The following TRAP1 variants were observed in gnomAD, a reference collection of about 807,000 sequenced individuals.
The protein encoded by TRAP1 is TNF receptor associated protein 1.
A neutral mutation model predicts 89.1 loss-of-function variants in TRAP1; 102 were observed. The observed-to-expected ratio is 1.15, with a 90% CI of 0.98 to 1.35. TRAP1 has a LOEUF of 1.35. TRAP1 is among the 40% of genes most tolerant of loss of function. TRAP1 has a pLI of 0.00. For synonymous variants in TRAP1, 508 were observed against 388.0 expected, an observed-to-expected ratio of 1.31 and a Z score of -3.64; for missense variants, 1,256 against 945.3, an observed-to-expected ratio of 1.33 and a Z score of -4.31.
At chr16:3,715,235 G>A (rs568575546) in intron 1 of TRAP1, among the ~76,000 whole-genome samples, 1 of 152,226 alleles carries the variant, frequency 6.6e-6, no homozygotes, top group East Asian at 1.9e-4. Context: ...TCAGGAGATC[G>A]AGACCATCCT....
At chr16:3,677,711 C>A in intron 5 of TRAP1, 53 bp from the exon 6 acceptor site, 1 of 1,577,384 alleles carries the variant, frequency 6.3e-7, no homozygotes, top group South Asian at 1.2e-5. Context: ...AGAGCAGACA[C>A]TCCCAACACC....
intron 4 of TRAP1, among the ~76,000 whole-genome samples, chr16:3,680,961 C>G (rs897757312): frequency 6.6e-6 from 1 of 152,176 alleles, no homozygotes; most frequent in Non-Finnish European, 1.5e-5. Flanking sequence ...ATTGCCCAGT[C>G]TAAGGTATTC....
chr16:3,675,711 C>T (rs549940550), intron 7 of TRAP1, among the ~76,000 whole-genome samples: 2 of 152,308 alleles, frequency 1.3e-5, no homozygotes, highest in East Asian at 3.9e-4. Flanking sequence ...GAGTGTCCAG[C>T]AGGACACAAA....
At chr16:3,714,881 G>C (rs1401345240) in intron 1 of TRAP1, among the ~76,000 whole-genome samples, 1 of 152,162 alleles carries the variant, frequency 6.6e-6, no homozygotes, top group African/African-American at 2.4e-5. Flanking sequence ...AAGAGGTCTG[G>C]ATTTTCTACA....
chr16:3,689,242 C>CTTTTTT, intron 2 of TRAP1, 105 bp from the exon 3 acceptor site: 1 of 425,850 alleles, frequency 2.3e-6, no homozygotes, highest in Non-Finnish European at 3.8e-6. Flanking sequence ...GAGTTTTAAA[C>CTTTTTT]TTTTTTTTTT....
chr16:3,706,751 G>A (rs918781765), intron 1 of TRAP1, among the ~76,000 whole-genome samples: 2 of 152,042 alleles, frequency 1.3e-5, no homozygotes, highest in Admixed American at 6.6e-5. Flanking sequence ...ATGACCAACC[G>A]CACCCAGCCT....
chr16:3,669,299 G>A (rs572531447), intron 11 of TRAP1, among the ~76,000 whole-genome samples: 6 of 152,280 alleles, frequency 3.9e-5, no homozygotes, highest in East Asian at 3.9e-4. Flanking sequence ...GCTGTGGGGC[G>A]GGGATGCATC....
At chr16:3,701,011 T>C (rs1341042812) in intron 1 of TRAP1, among the ~76,000 whole-genome samples, 8 of 152,154 alleles carry the variant, frequency 5.3e-5, no homozygotes, top group Admixed American at 5.2e-4. Flanking sequence ...AAGGCAAGGA[T>C]TGTCAGAATT....
intron 15 of TRAP1, 41 bp downstream of exon 15, chr16:3,662,841 C>T: frequency 1.2e-6 from 2 of 1,602,062 alleles, no homozygotes; most frequent in Non-Finnish European, 1.7e-6. Context: ...CTGTTAGGGA[C>T]ACTGCGGCCA....
intron 1 of TRAP1, among the ~76,000 whole-genome samples, chr16:3,700,624 C>A (rs2051352843): frequency 6.6e-6 from 1 of 151,868 alleles, no homozygotes; most frequent in Non-Finnish European, 1.5e-5. Flanking sequence ...CATCACCACG[C>A]CAGGCTAATT....
At chr16:3,710,877 A>ATTTTTTTTTTTT (rs1461150566) in intron 1 of TRAP1, among the ~76,000 whole-genome samples, 6 of 93,608 alleles carry the variant, frequency 6.4e-5, no homozygotes, top group African/African-American at 2.7e-4. Context: ...ATATATATAT[A>ATTTTTTTTTTTT]TATTTTTTTT....
At chr16:3,670,325 G>C (rs2050894869) in intron 11 of TRAP1, among the ~76,000 whole-genome samples, 1 of 141,432 alleles carries the variant, frequency 7.1e-6, no homozygotes, top group African/African-American at 2.7e-5. Flanking sequence ...GAAGGTTGCA[G>C]TGAGCCGAGA....
chr16:3,664,670 C>G, intron 12 of TRAP1: 1 of 555,752 alleles, frequency 1.8e-6, no homozygotes, highest in Non-Finnish European at 3.1e-6. Flanking sequence ...GCTTAGGAAG[C>G]ACCTCCTGCC....
intron 1 of TRAP1, chr16:3,704,297 T>C (rs1007759635): frequency 6.6e-6 from 1 of 152,280 alleles, no homozygotes; most frequent in Non-Finnish European, 1.5e-5. Flanking sequence ...TGAGCTGAAA[T>C]TGCATCTCTG....
chr16:3,696,390 T>C (rs1232247161), intron 1 of TRAP1, among the ~76,000 whole-genome samples: 39 of 152,072 alleles, frequency 2.6e-4, no homozygotes, highest in Admixed American at 2.6e-3. Flanking sequence ...ACGACAATAA[T>C]GGATTGTAAG....
chr16:3,679,368 A>G (rs1376790537), intron 5 of TRAP1, among the ~76,000 whole-genome samples: 3 of 152,224 alleles, frequency 2.0e-5, no homozygotes, highest in Non-Finnish European at 4.4e-5. Flanking sequence ...TAACTATGTT[A>G]TATCTATATC....
intron 15 of TRAP1, chr16:3,662,595 C>G: frequency 1.6e-6 from 1 of 624,456 alleles, no homozygotes; most frequent in South Asian, 1.6e-5. Flanking sequence ...TTGTTTGGAA[C>G]CCCCACGTCC....
At chr16:3,662,338 G>T in intron 15 of TRAP1, 1 of 657,488 alleles carries the variant, frequency 1.5e-6, no homozygotes, top group Non-Finnish European at 2.5e-6. Flanking sequence ...TGTGCCCGAG[G>T]GGCTCCACCA....
intron 3 of TRAP1, among the ~76,000 whole-genome samples, chr16:3,688,748 C>T (rs2051171961): frequency 6.6e-6 from 1 of 152,076 alleles, no homozygotes; most frequent in African/African-American, 2.4e-5. Context: ...CCTCCCAAAG[C>T]ACTGAGTTCC....
Sources: gnomAD v4.1 joint callset for allele counts (sites outside exome capture counted in the v4.1 genomes callset) on GRCh38, gnomAD v4.1.1 for gene constraint, MANE v1.5 for transcripts, NCBI Gene and HGNC (gene_info 2026-07-23, HGNC 2026-07-21) for gene names.